TRIP4: variants seen among roughly 807,000 people sequenced by gnomAD.
The protein encoded by TRIP4 is activating signal cointegrator 1.
In TRIP4, 54 loss-of-function variants were observed where a neutral mutation model predicts 81.8. That is an observed-to-expected ratio of 0.66 (90% CI 0.53 to 0.83). The LOEUF (loss-of-function observed/expected upper bound fraction) is 0.83. Ranked by LOEUF, TRIP4 falls within the 40% of genes least tolerant of loss-of-function variation. The probability of loss-of-function intolerance (pLI) is 0.00; values close to 1 mark genes in which losing one functional copy is unlikely to be tolerated. For synonymous variants in TRIP4, 270 were observed against 242.8 expected (o/e 1.11, Z -1.04); for missense variants, 662 against 683.6 (o/e 0.97, Z 0.35).
chr15:64,447,298 A>G (rs1404253086), intron 12 of TRIP4, among the ~76,000 whole-genome samples: 2 of 152,118 alleles, frequency 1.3e-5, no homozygotes, highest in Non-Finnish European at 2.9e-5. Context: ...CATTGTCCTC[A>G]CTGGTGCGAA....
rs141667851 is a variant in TRIP4, at chr15:64,412,645, A to ATACAT, written c.1044-1438_1044-1437insCATTA. 7.3e-5 allele frequency among the ~76,000 whole-genome samples: 11 copies of ATACAT among 151,648 alleles called. No individual in the cohort carries two copies. In the East Asian group the frequency reaches 2.1e-3, roughly 29 times the overall value. On this transcript the variant is annotated intron_variant, in intron 7 of 12. Transcript: ENST00000261884. The stretch of plus-strand genomic sequence containing the variant: ...TATATATGAGGTATTCCTAACAAAC[A>ATACAT]TATATTGAATTGAATTGAAGGTCAA...
At chr15:64,388,122 A>T in intron 1 of TRIP4, 158 bp downstream of exon 1, 1 of 1,287,016 alleles carries the variant, frequency 7.8e-7, no homozygotes, top group Non-Finnish European at 9.9e-7. Flanking sequence ...CCACCTTTGT[A>T]GTTTAGTTTC....
chr15:64,390,665 T>C (rs1419051217), intron 1 of TRIP4, among the ~76,000 whole-genome samples: 9 of 151,904 alleles, frequency 5.9e-5, no homozygotes, highest in Non-Finnish European at 4.4e-5. Context: ...CCAAGGCAGG[T>C]GGACCACCTG....
intron 11 of TRIP4, among the ~76,000 whole-genome samples, chr15:64,439,249 C>T (rs1892465435): frequency 6.6e-6 from 1 of 152,150 alleles, no homozygotes; most frequent in Admixed American, 6.6e-5. Context: ...TCACAGAGCA[C>T]AGTTGCTTGC....
chr15:64,390,902 A>AG (rs1455211739), intron 1 of TRIP4, among the ~76,000 whole-genome samples: 1 of 152,114 alleles, frequency 6.6e-6, no homozygotes, highest in East Asian at 1.9e-4. Flanking sequence ...CTCAAAAAAA[A>AG]AAAAAAATTA....
rs36118366 is a variant in TRIP4 at position 64,435,893 on chromosome 15, G to GAA, written c.1576-9100_1576-9099dup. Among the ~76,000 whole-genome samples the GAA allele has an allele frequency of 3.8e-3, 488 of 127,390 alleles. 2 individuals carry two copies. The highest frequency in any genetic ancestry group is 6.6e-3 in the African/African-American group (223 of 33,684). The allele number at this position is 127,390 out of a possible 152,430, so 83.6% of individuals were successfully genotyped here. ...TCCTGGAATACCATAATGGTAGATT[G>GAA]AAAAAAAAAAAAAACCTGAAGAAAG... On this transcript the variant is annotated intron_variant, in intron 11 of 12. Transcript: ENST00000261884.
At chr15:64,389,943 C>A (rs1237558096) in intron 1 of TRIP4, among the ~76,000 whole-genome samples, 1 of 150,164 alleles carries the variant, frequency 6.7e-6, no homozygotes, top group Non-Finnish European at 1.5e-5. Context: ...CTCAGATGAT[C>A]CAACCGCCTC....
At position 64,394,023 on chromosome 15, in the gene TRIP4, A is replaced by G; in HGVS notation, c.179A>G (p.Lys60Arg). 6.2e-7 allele frequency: 1 copy of G among 1,612,540 alleles called. No individual in the cohort carries two copies. Among genetic ancestry groups the G allele is most frequent in the South Asian group, 1.1e-5 (1 of 90,800 alleles). The change falls in exon 2 of 13, where the codon AAA (lysine) becomes AGA (arginine). Residue 60 changes from lysine (K) to arginine (R), a missense_variant. By Grantham distance (26) the Lys-to-Arg change is conservative. Coordinates refer to ENST00000261884, the MANE Select transcript of TRIP4 (RefSeq NM_016213.5). ...TDLLQGNEGKKGQFIEELITK... is the reference protein window; with the variant it reads ...TDLLQGNEGKRGQFIEELITK... ...CTCCTCCAGGGAAATGAAGGCAAAA[A>G]AGGTCAATTCATAGAAGAACTTATA...
chr15:64,390,510 C>T (rs2140544363), intron 1 of TRIP4, among the ~76,000 whole-genome samples: 1 of 151,084 alleles, frequency 6.6e-6, no homozygotes, highest in South Asian at 2.1e-4. Flanking sequence ...GATAAATTAA[C>T]AATTTGAAAT....
chr15:64,419,973 A>G (rs1233956004), intron 9 of TRIP4, among the ~76,000 whole-genome samples: 1 of 149,306 alleles, frequency 6.7e-6, no homozygotes, highest in Non-Finnish European at 1.5e-5. Flanking sequence ...CCGCCACCAC[A>G]CCTGGTTAAT....
chr15:64,394,343 C>T (rs1390251211), intron 2 of TRIP4, among the ~76,000 whole-genome samples: 7 of 152,090 alleles, frequency 4.6e-5, no homozygotes, highest in Non-Finnish European at 7.4e-5. Context: ...TGGTGGCTCA[C>T]GCCTGTAATC....
At chr15:64,412,000 A>T (rs147967701) in intron 7 of TRIP4, among the ~76,000 whole-genome samples, 1 of 152,230 alleles carries the variant, frequency 6.6e-6, no homozygotes, top group East Asian at 1.9e-4. Context: ...CATACTTTTG[A>T]CTTATCAGCT....
At chr15:64,440,430 C>CA (rs939049520) in intron 11 of TRIP4, among the ~76,000 whole-genome samples, 5 of 144,416 alleles carry the variant, frequency 3.5e-5, no homozygotes, top group African/African-American at 1.3e-4. Flanking sequence ...CTTTAGTGTC[C>CA]AGGCCCTGGT....
intron 9 of TRIP4, among the ~76,000 whole-genome samples, chr15:64,419,964 C>T (rs948185162): frequency 2.0e-5 from 3 of 150,142 alleles, no homozygotes; most frequent in African/African-American, 4.9e-5. Context: ...CACAGGCGCC[C>T]GCCACCACAC....
intron 10 of TRIP4, 25 bp from the exon 11 acceptor site, chr15:64,425,515 A>T (rs1457714668): frequency 1.3e-6 from 2 of 1,580,782 alleles, no homozygotes; most frequent in African/African-American, 2.7e-5. Flanking sequence ...AAATTTATTC[A>T]ATATTTTTGT....
At chr15:64,429,325 AT>A (rs1255813070) in intron 11 of TRIP4, among the ~76,000 whole-genome samples, 6 of 152,190 alleles carry the variant, frequency 3.9e-5, no homozygotes, top group African/African-American at 1.2e-4. Flanking sequence ...CTCAAAAAAA[AT>A]AAAATAAAAA....
chr15:64,392,497 A>ATG lies in TRIP4; in HGVS notation c.102-1439_102-1438dup, dbSNP rs919598914. 5.3e-5 allele frequency among the ~76,000 whole-genome samples: 8 copies of ATG among 151,896 alleles called. No individual in the cohort carries two copies. The East Asian group carries it at 9.7e-4, about 18-fold the overall frequency. On this transcript the variant is annotated intron_variant, in intron 1 of 12. Coordinates refer to ENST00000261884, the MANE Select transcript of TRIP4 (RefSeq NM_016213.5). Reference sequence around the variant, plus strand: ...ATGCCTGTTTTTGGGGGGTGTGTGTATGTGTGTGTGTATTTTTAGTAGAGA... The same window carrying ATG: ...ATGCCTGTTTTTGGGGGGTGTGTGTATGTGTGTGTGTGTATTTTTAGTAGAGA...
intron 4 of TRIP4, among the ~76,000 whole-genome samples, chr15:64,399,151 A>G (rs1379855717): frequency 3.3e-5 from 5 of 151,714 alleles, no homozygotes; most frequent in African/African-American, 7.3e-5. Context: ...GGGTTTCACC[A>G]TATTGGTCAA....
chr15:64,405,972 A>G lies in TRIP4; in HGVS notation c.698-358A>G, dbSNP rs181065561. ...ACACTACTGCACTCCAGACTGGGCA[A>G]CAGCATTAGATCCTGTCTTGAAAAA... On this transcript the variant is annotated intron_variant, in intron 5 of 12. Transcript: ENST00000261884. Among the ~76,000 whole-genome samples the G allele has an allele frequency of 2.6e-5, 4 of 152,382 alleles. No homozygotes were observed. The East Asian group carries it at 7.7e-4, about 29-fold the overall frequency.
Sources: gnomAD v4.1 joint callset for allele counts (sites outside exome capture counted in the v4.1 genomes callset) on GRCh38, gnomAD v4.1.1 for gene constraint, MANE v1.5 for transcripts, NCBI Gene and HGNC (gene_info 2026-07-23, HGNC 2026-07-21) for gene names.